Variants in SH3TC2 observed in about 807,000 individuals in gnomAD.
The protein encoded by SH3TC2 is SH3 domain and tetratricopeptide repeats 2, also known as SH3 domain and tetratricopeptide repeat-containing protein 2.
A neutral mutation model predicts 124.5 loss-of-function variants in SH3TC2; 87 were observed. The observed-to-expected ratio is 0.70, with a 90% CI of 0.59 to 0.84. SH3TC2 has a LOEUF of 0.84. Among genes scored for constraint, SH3TC2 ranks in the 40% least tolerant of loss-of-function variants. The pLI, the probability that SH3TC2 is intolerant of heterozygous loss-of-function variation, is 0.00. For synonymous variants in SH3TC2, 634 were observed against 628.5 expected, an observed-to-expected ratio of 1.01 and a Z score of -0.13; for missense variants, 1,536 against 1,566.4, an observed-to-expected ratio of 0.98 and a Z score of 0.33.
rs1753663319 is a variant in SH3TC2 at position 149,005,003 on chromosome 5, T to C, written c.3676-101A>G. The C allele has an allele frequency of 5.4e-5, 71 of 1,316,328 alleles. 1 individual carries two copies. The South Asian group carries it at 8.2e-4, about 15-fold the overall frequency. 81.5% of individuals were successfully genotyped at this position (1,316,328 alleles called of 1,614,324 possible). On this transcript the variant is annotated intron_variant, in intron 16 of 16. Transcript: ENST00000515425. ...GCCACTCTAGTTTTTTTTGTTTGTTTGTTTGTTTGTTTGTTTGCCCAACAT... is the reference window on the plus strand; with the variant it reads ...GCCACTCTAGTTTTTTTTGTTTGTTCGTTTGTTTGTTTGTTTGCCCAACAT...
chr5:149,056,953 G>A (rs937134846), intron 1 of SH3TC2, among the ~76,000 whole-genome samples: 1 of 151,972 alleles, frequency 6.6e-6, no homozygotes, highest in Non-Finnish European at 1.5e-5. Context: ...AAACCAAAAG[G>A]TCTATGGTAG....
chr5:149,052,353 T>C, intron 1 of SH3TC2, 113 bp from the exon 2 acceptor site: 2 of 767,194 alleles, frequency 2.6e-6, no homozygotes, highest in Non-Finnish European at 4.7e-6. Flanking sequence ...ATTAGTGGCA[T>C]GGAAGAATTC....
rs996274902 is a variant in SH3TC2, at chr5:148,988,786, G to T, written c.*15925C>A. Among the ~76,000 whole-genome samples, 2 of 152,212 alleles carry T rather than the reference G, an allele frequency of 1.3e-5. No homozygotes were observed. The highest frequency in any genetic ancestry group is 1.9e-4 in the East Asian group (1 of 5,202). The stretch of plus-strand genomic sequence containing the variant: ...CCATCAGACCAACAGATGATGATAA[G>T]CTGTTTTAAATCAGAAACTTTTGGG... On this transcript the variant is annotated 3_prime_UTR_variant, in exon 17 of 17. Transcript: ENST00000515425.
At position 149,027,057 on chromosome 5, in the gene SH3TC2, T is replaced by G. The variant is rs1386006193; in HGVS notation, c.2675A>C (p.Gln892Pro). Residue 892 changes from glutamine to proline, a missense_variant, in exon 11 of 17, where the codon CAG (glutamine) becomes CCG (proline). Around this residue, in one of 3 missense-constraint regions of SH3TC2, gnomAD observed 1,102 missense variants for 1,098.6 expected, o/e 1.00. Coordinates refer to ENST00000515425, the MANE Select transcript of SH3TC2 (RefSeq NM_024577.4). ...CAGGAGATAGTTTCTGGCTGGATGC[T>G]GAGCCCAGGACTTAAGGCTCAGGTG... is the stretch of plus-strand genomic sequence containing the variant. The part of the protein sequence containing the change: ...LGHLSLKSWA[Q>P]HPARNYLLQA... 6.2e-7 allele frequency: 1 copy of G among 1,614,208 alleles called. No homozygotes were observed. The highest frequency in any genetic ancestry group is 8.5e-7 in the Non-Finnish European group (1 of 1,180,018).
chr5:149,005,667 T>C (rs778716474), intron 16 of SH3TC2, among the ~76,000 whole-genome samples: 1 of 152,174 alleles, frequency 6.6e-6, no homozygotes, highest in Admixed American at 6.5e-5. Flanking sequence ...GAGAAACAGA[T>C]GCTTCTTTGG....
rs1753805469 is a variant in SH3TC2, at chr5:149,012,734, C to T, written c.3054G>A (p.Arg1018=). The T allele has an allele frequency of 6.2e-7, 1 of 1,614,048 alleles. No individual in the cohort carries two copies. The highest frequency in any genetic ancestry group is 1.3e-5 in the African/African-American group (1 of 74,990). The change falls in exon 13 of 17, where the codon AGG becomes AGA. Residue 1018 remains arginine (R), a splice_region_variant and synonymous_variant. Coordinates refer to ENST00000515425, the MANE Select transcript of SH3TC2 (RefSeq NM_024577.4). ...GQLYRNLNTA[R]SLRRSLTCIK... ...TGCATGTGAGTGACCTCCTGAGGGA[C>T]CTGGGGACAGACATGAACTTGTGAG...
intron 1 of SH3TC2, among the ~76,000 whole-genome samples, chr5:149,062,655 G>A (rs560611367): frequency 6.6e-6 from 1 of 152,308 alleles, no homozygotes; most frequent in Non-Finnish European, 1.5e-5. Flanking sequence ...TGTCCTGGGG[G>A]GATCTCGGGA....
At chr5:149,055,740 A>C (rs992802348) in intron 1 of SH3TC2, among the ~76,000 whole-genome samples, 5 of 152,202 alleles carry the variant, frequency 3.3e-5, no homozygotes, top group Non-Finnish European at 5.9e-5. Context: ...ATGTCAATTT[A>C]CACTAGAATG....
intron 1 of SH3TC2, among the ~76,000 whole-genome samples, chr5:149,053,306 CTG>C (rs1394777389): frequency 6.6e-6 from 1 of 152,214 alleles, no homozygotes; most frequent in Non-Finnish European, 1.5e-5. Flanking sequence ...TGCTAATAGC[CTG>C]TGTCTCCACT....
At position 148,987,726 on chromosome 5, in the gene SH3TC2, C is replaced by T. The variant is rs1753354676; in HGVS notation, c.*16985G>A. Among the ~76,000 whole-genome samples, 1 of 151,858 alleles carries T rather than the reference C, an allele frequency of 6.6e-6. No homozygotes were observed. Among genetic ancestry groups the T allele is most frequent in the Admixed American group, 6.6e-5 (1 of 15,228 alleles). ...ATCATCAGATTAAGACTGAGAAGAACAAAGCTGTGGTCACTCTCCCACCAC... is the reference window on the plus strand; with the variant it reads ...ATCATCAGATTAAGACTGAGAAGAATAAAGCTGTGGTCACTCTCCCACCAC... On this transcript the variant is annotated 3_prime_UTR_variant, in exon 17 of 17. Transcript: ENST00000515425.
At position 149,001,638 on chromosome 5, in the gene SH3TC2, A is replaced by C. The variant is rs950235158; in HGVS notation, c.*3073T>G. On this transcript the variant is annotated 3_prime_UTR_variant, in exon 17 of 17. Transcript: ENST00000515425. ...TTAAAAGAGTTTTAGCAAGCGGTTT[A>C]CATATAGAATGTAGTAATTGCAATT... 1 of 152,248 alleles carries C rather than the reference A, an allele frequency of 6.6e-6. No individual in the cohort carries two copies. The highest frequency in any genetic ancestry group is 2.1e-4 in the South Asian group (1 of 4,834). The allele number at this position is 152,248 out of a possible 1,614,324, so 9.4% of individuals were successfully genotyped here. A position where few individuals can be genotyped will look rare whatever the true frequency, so the allele number is the denominator to read the frequency against.
chr5:149,057,341 C>CT (rs1279016752), intron 1 of SH3TC2, among the ~76,000 whole-genome samples: 1 of 151,436 alleles, frequency 6.6e-6, no homozygotes, highest in African/African-American at 2.4e-5. Context: ...TTTTTTATGA[C>CT]TTTTTTTTTC....
chr5:149,057,737 C>T (rs1020449577), intron 1 of SH3TC2: 1 of 152,158 alleles, frequency 6.6e-6, no homozygotes, highest in East Asian at 1.9e-4. Context: ...TGGCTAAGAA[C>T]AAGTGGCAAT....
chr5:149,013,644 T>C (rs926552384), intron 12 of SH3TC2, among the ~76,000 whole-genome samples: 2 of 152,204 alleles, frequency 1.3e-5, no homozygotes, highest in African/African-American at 4.8e-5. Flanking sequence ...TGGTGCTTAA[T>C]GGGGTGCCCT....
chr5:149,027,318 G>A lies in SH3TC2; in HGVS notation c.2414C>T (p.Ala805Val), dbSNP rs1428334631. ...CTTGGCCTGGCTGGCTAAGAGATAG[G>A]CCCATGCCAGGCAGAGAGAAGACTC... ...SFESSLCLAW[A>V]YLLASQAKKA... The change falls in exon 11 of 17, where the codon GCC becomes GTC. Residue 805 changes from alanine to valine, a missense_variant. Coordinates refer to ENST00000515425, the MANE Select transcript of SH3TC2 (RefSeq NM_024577.4). The A allele has an allele frequency of 1.9e-6, 3 of 1,613,910 alleles. No homozygotes were observed. The highest frequency in any genetic ancestry group is 2.5e-6 in the Non-Finnish European group (3 of 1,180,054).
rs561010317 is a variant in SH3TC2, at chr5:148,986,766, G to A, written c.*17945C>T. On this transcript the variant is annotated 3_prime_UTR_variant, in exon 17 of 17. Coordinates refer to ENST00000515425, the MANE Select transcript of SH3TC2 (RefSeq NM_024577.4). ...TTGCTCAGTCAACCAAATGTGACGA[G>A]CCTAAATCCCATTCCCATGCTGTAA... Among the ~76,000 whole-genome samples, 31 of 152,298 alleles carry A rather than the reference G, an allele frequency of 2.0e-4. No individual in the cohort carries two copies. The highest frequency in any genetic ancestry group is 7.0e-4 in the African/African-American group (29 of 41,564).
At chr5:149,022,474 A>T (rs1301702795) in intron 12 of SH3TC2, among the ~76,000 whole-genome samples, 1 of 152,212 alleles carries the variant, frequency 6.6e-6, no homozygotes, top group East Asian at 1.9e-4. Context: ...TTTTAAAAAC[A>T]ACCTAGCAGT....
At chr5:149,040,559 C>T in intron 7 of SH3TC2, 45 bp downstream of exon 7, 1 of 1,548,444 alleles carries the variant, frequency 6.5e-7, no homozygotes. Flanking sequence ...AGAGGCAGGA[C>T]AACATTATCT....
At chr5:149,053,967 C>A (rs1754600648) in intron 1 of SH3TC2, among the ~76,000 whole-genome samples, 1 of 152,070 alleles carries the variant, frequency 6.6e-6, no homozygotes, top group Admixed American at 6.6e-5. Context: ...TAAATAAGAT[C>A]TAATGTTTGA....
Sources: allele counts gnomAD v4.1 joint callset (sites outside exome capture counted in the v4.1 genomes callset), GRCh38; gene constraint gnomAD v4.1.1; regional missense constraint gnomAD v4.1.1; transcripts MANE v1.5; gene names NCBI Gene and HGNC (gene_info 2026-07-23, HGNC 2026-07-21).